DCC: variants seen among roughly 807,000 people sequenced by gnomAD.
The protein encoded by DCC is netrin receptor DCC.
Under a neutral mutation model 172.5 loss-of-function variants are expected in DCC, and 58 were observed. That is an observed-to-expected ratio of 0.34 (90% confidence interval 0.27 to 0.42). The LOEUF is 0.42. DCC is among the 10% of genes least tolerant of loss of function. The pLI is 1.00. For synonymous variants in DCC, 709 were observed against 644.5 expected, an observed-to-expected ratio of 1.10 and a Z score of -1.52; for missense variants, 1,740 against 1,791.0, an observed-to-expected ratio of 0.97 and a Z score of 0.51.
intron 5 of DCC, among the ~76,000 whole-genome samples, chr18:52,962,295 G>A (rs1490199365): frequency 1.3e-5 from 2 of 151,766 alleles, no homozygotes; most frequent in Non-Finnish European, 2.9e-5. Context: ...GTGGGCAAAG[G>A]ATATGAACAG....
intron 5 of DCC, among the ~76,000 whole-genome samples, chr18:52,941,738 T>TA (rs2040468179): frequency 6.6e-6 from 1 of 152,144 alleles, no homozygotes; most frequent in African/African-American, 2.4e-5. Context: ...CTGTACTACT[T>TA]ACATGTAGTT....
intron 1 of DCC, among the ~76,000 whole-genome samples, chr18:52,706,401 G>A (rs752788199): frequency 2.6e-5 from 4 of 152,174 alleles, no homozygotes; most frequent in Non-Finnish European, 4.4e-5. Context: ...GGGCATGATG[G>A]AAATATTTTG....
At chr18:52,854,268 AT>A (rs898609668) in intron 2 of DCC, among the ~76,000 whole-genome samples, 8 of 151,492 alleles carry the variant, frequency 5.3e-5, no homozygotes, top group East Asian at 1.9e-4. Context: ...AGGCCCATTT[AT>A]TTTTTTTTAT....
chr18:52,859,143 AT>A (rs374776330), intron 2 of DCC, among the ~76,000 whole-genome samples: 10 of 151,616 alleles, frequency 6.6e-5, no homozygotes, highest in East Asian at 5.8e-4. Flanking sequence ...CAAAAAAAAA[AT>A]TAAAATTATA....
chr18:52,782,369 A>G (rs2037562087), intron 2 of DCC, among the ~76,000 whole-genome samples: 1 of 150,134 alleles, frequency 6.7e-6, no homozygotes, highest in African/African-American at 2.5e-5. Flanking sequence ...ATTCTGAGAC[A>G]CGTGCTTATA....
intron 1 of DCC, among the ~76,000 whole-genome samples, chr18:52,719,210 T>TTTCA (rs1555651767): frequency 0.024 from 3,576 of 152,130 alleles, 59 homozygotes; most frequent in Non-Finnish European, 0.036. Flanking sequence ...GATTTCATCC[T>TTTCA]GAGATCCTTA....
intron 1 of DCC, among the ~76,000 whole-genome samples, chr18:52,710,286 A>G (rs1338841688): frequency 6.6e-6 from 1 of 152,250 alleles, no homozygotes; most frequent in Non-Finnish European, 1.5e-5. Flanking sequence ...TTTATTGTAC[A>G]TGAAAATATA....
chr18:52,783,344 T>A lies in DCC; in HGVS notation c.412+30970T>A, dbSNP rs2037590005. ...TACTCTTTTTTTTTTTTTTTTTTTT[T>A]TTTTTTTTTTTTTTTTTACAACACA... On this transcript the variant is annotated intron_variant, in intron 2 of 28. Transcript: ENST00000442544. 2.5e-5 allele frequency among the ~76,000 whole-genome samples: 3 copies of A among 118,836 alleles called. No individual in the cohort carries two copies. In the South Asian group the frequency reaches 8.1e-4, roughly 32 times the overall value. 78.0% of individuals were successfully genotyped at this position (118,836 alleles called of 152,430 possible). A position where few individuals can be genotyped will look rare whatever the true frequency, so the allele number is the denominator to read the frequency against.
chr18:53,106,927 GTAT>G (rs774289905), intron 7 of DCC, among the ~76,000 whole-genome samples: 2 of 151,872 alleles, frequency 1.3e-5, no homozygotes, highest in Admixed American at 6.6e-5. Flanking sequence ...ACAAGAATCT[GTAT>G]TATTATCTTT....
chr18:52,394,987 C>T (rs1044665593), intron 1 of DCC, among the ~76,000 whole-genome samples: 7 of 151,864 alleles, frequency 4.6e-5, no homozygotes, highest in African/African-American at 1.2e-4. Flanking sequence ...ACACAGCCTG[C>T]GGGTAAGTCA....
At chr18:52,971,604 A>C (rs1474263537) in intron 5 of DCC, among the ~76,000 whole-genome samples, 1 of 152,052 alleles carries the variant, frequency 6.6e-6, no homozygotes, top group Admixed American at 6.6e-5. Flanking sequence ...GAATGACAGA[A>C]GCAAGAAAAA....
intron 1 of DCC, among the ~76,000 whole-genome samples, chr18:52,625,695 G>A (rs545106937): frequency 3.6e-4 from 55 of 152,244 alleles, no homozygotes; most frequent in Admixed American, 6.5e-4. Context: ...AAAGCATCTT[G>A]AAAGAGCTGA....
At chr18:52,417,089 A>G (rs1466541171) in intron 1 of DCC, among the ~76,000 whole-genome samples, 2 of 152,108 alleles carry the variant, frequency 1.3e-5, no homozygotes, top group Non-Finnish European at 2.9e-5. Context: ...ATCTCTCAAC[A>G]TTTGCTTATC....
chr18:53,066,536 G>C (rs997827261), intron 7 of DCC, among the ~76,000 whole-genome samples: 5 of 149,644 alleles, frequency 3.3e-5, no homozygotes, highest in Non-Finnish European at 5.9e-5. Context: ...CTCTTTTGTG[G>C]CCTGCCTTTC....
chr18:52,546,771 A>G lies in DCC; in HGVS notation c.92-205283A>G, dbSNP rs536301154. Among the ~76,000 whole-genome samples the G allele has an allele frequency of 5.9e-5, 9 of 152,088 alleles. No homozygotes were observed. The South Asian group carries it at 1.7e-3, about 28-fold the overall frequency. On this transcript the variant is annotated intron_variant, in intron 1 of 28. Transcript: ENST00000442544. Reference sequence around the variant, plus strand: ...TGAACTCTTTGTACCATGTCATTCTATTTTTCAATTGGCACTTGGGTTGCT... The same window carrying G: ...TGAACTCTTTGTACCATGTCATTCTGTTTTTCAATTGGCACTTGGGTTGCT...
intron 1 of DCC, among the ~76,000 whole-genome samples, chr18:52,667,598 CTTTAGAAACACGATCTACTAA>C (rs1434382595): frequency 1.3e-5 from 2 of 152,154 alleles, no homozygotes; most frequent in Non-Finnish European, 1.5e-5. Context: ...TCCATGACAG[CTTTAGAAACACGATCTACTAA>C]TTTATGCACT....
intron 13 of DCC, among the ~76,000 whole-genome samples, chr18:53,308,682 C>T (rs2057230499): frequency 6.6e-6 from 1 of 152,098 alleles, no homozygotes; most frequent in Admixed American, 6.6e-5. Context: ...ATTCTGACTC[C>T]CTAAATAACA....
intron 2 of DCC, among the ~76,000 whole-genome samples, chr18:52,795,151 G>A (rs1342864182): frequency 1.3e-5 from 2 of 151,992 alleles, no homozygotes; most frequent in Non-Finnish European, 2.9e-5. Context: ...TGTAGAATGA[G>A]TTAGGAATAA....
intron 7 of DCC, among the ~76,000 whole-genome samples, chr18:53,112,061 G>A (rs1315786687): frequency 6.6e-6 from 1 of 151,090 alleles, no homozygotes; most frequent in South Asian, 2.1e-4. Context: ...AGTGACTCTA[G>A]GCATGCATTT....
Sources: allele counts gnomAD v4.1 joint callset (sites outside exome capture counted in the v4.1 genomes callset), GRCh38; gene constraint gnomAD v4.1.1; transcripts MANE v1.5; gene names NCBI Gene and HGNC (gene_info 2026-07-23, HGNC 2026-07-21).